The following SYT9 variants were observed in gnomAD, a reference collection of about 807,000 sequenced individuals.
SYT9 encodes synaptotagmin-9.
A neutral mutation model predicts 48.4 loss-of-function variants in SYT9; 22 were observed. The ratio of observed to expected loss-of-function variants is 0.45; its 90% CI spans 0.32 to 0.65. The LOEUF (loss-of-function observed/expected upper bound fraction) is 0.65, where lower values mean the gene tolerates loss of function less well. SYT9 is among the 30% of genes least tolerant of loss of function. The pLI is 0.03. For synonymous variants in SYT9, 265 were observed against 245.0 expected, an observed-to-expected ratio of 1.08 and a Z score of -0.76; for missense variants, 577 against 622.0, an observed-to-expected ratio of 0.93 and a Z score of 0.77.
chr11:7,385,229 TGACAGATTCCCAGAACCCAGAGTACCAG>T (rs1264842135), intron 3 of SYT9, among the ~76,000 whole-genome samples: 2 of 152,156 alleles, frequency 1.3e-5, no homozygotes, highest in Non-Finnish European at 2.9e-5. Context: ...TTTGGTTCAC[TGACAGATTCCCAGAACCCAGAGTACCAG>T]GTACTCTGGT....
In SYT9 at chr11:7,422,073, C is replaced by G. The variant is rs114296124; in HGVS notation, c.1467+1438C>G. ...CTCTGTTCTCCTGGTGCAGGAAGCTCTCTTCCATGCAAAGCCATCTGAGAG... is the reference window on the plus strand; with the variant it reads ...CTCTGTTCTCCTGGTGCAGGAAGCTGTCTTCCATGCAAAGCCATCTGAGAG... On this transcript the variant is annotated intron_variant, in intron 6 of 6. Transcript: ENST00000318881. Among the ~76,000 whole-genome samples the G allele has an allele frequency of 8.3e-3, 1,260 of 152,322 alleles. 16 individuals carry two copies. Among genetic ancestry groups the G allele is most frequent in the Middle Eastern group, 0.034 (10 of 294 alleles).
At chr11:7,328,889 G>A (rs566601260) in intron 3 of SYT9, among the ~76,000 whole-genome samples, 6 of 152,002 alleles carry the variant, frequency 3.9e-5, no homozygotes, top group South Asian at 4.2e-4. Context: ...TTTTTTCTCA[G>A]TATCTATTCT....
chr11:7,289,984 A>G (rs182469430), intron 1 of SYT9, among the ~76,000 whole-genome samples: 6 of 152,358 alleles, frequency 3.9e-5, no homozygotes, highest in Admixed American at 3.9e-4. Flanking sequence ...TTATGCTTTT[A>G]ACCAAATACT....
chr11:7,319,918 G>A (rs904270081), intron 3 of SYT9, among the ~76,000 whole-genome samples: 18 of 152,030 alleles, frequency 1.2e-4, no homozygotes, highest in Admixed American at 5.9e-4. Context: ...TTTCTGGTCC[G>A]TCAGCTCTGC....
chr11:7,397,142 G>C (rs956000257), intron 3 of SYT9, among the ~76,000 whole-genome samples: 14 of 151,972 alleles, frequency 9.2e-5, no homozygotes, highest in Non-Finnish European at 1.6e-4. Context: ...TTTACATTTA[G>C]ATCTATTGTC....
At chr11:7,456,508 T>A (rs1848152470) in intron 6 of SYT9, among the ~76,000 whole-genome samples, 1 of 152,212 alleles carries the variant, frequency 6.6e-6, no homozygotes, top group Admixed American at 6.5e-5. Context: ...GGGATCTTGC[T>A]CTTTAGCCAG....
intron 3 of SYT9, among the ~76,000 whole-genome samples, chr11:7,405,615 C>T (rs1456567765): frequency 6.6e-6 from 1 of 152,060 alleles, no homozygotes; most frequent in Non-Finnish European, 1.5e-5. Context: ...AATACCACAA[C>T]CACAACAAAT....
intron 3 of SYT9, among the ~76,000 whole-genome samples, chr11:7,320,292 C>G (rs7130042): frequency 0.51 from 77,765 of 151,926 alleles, 20,814 homozygotes; most frequent in South Asian, 0.64. Flanking sequence ...ACTTCTCCTT[C>G]CCCTCTTTAC....
At chr11:7,350,033 G>C (rs543776626) in intron 3 of SYT9, among the ~76,000 whole-genome samples, 1 of 152,086 alleles carries the variant, frequency 6.6e-6, no homozygotes, top group South Asian at 2.1e-4. Context: ...CTCATGCCAG[G>C]GGGGGACCCA....
rs564142655 is a variant in SYT9 at position 7,252,705 on chromosome 11, G to A, written c.145+374G>A. Among the ~76,000 whole-genome samples the A allele has an allele frequency of 6.6e-6, 1 of 152,240 alleles. No individual in the cohort carries two copies. Among genetic ancestry groups the A allele is most frequent in the African/African-American group, 2.4e-5 (1 of 41,468 alleles). On this transcript the variant is annotated intron_variant, in intron 1 of 6. Transcript: ENST00000318881. This position sits in a 1 kb window ranked among gnomAD's most constrained non-coding sequence, Gnocchi z 6.3. Reference sequence around the variant, plus strand: ...CGCGGCGGCCTCGGAGCCGTGGGAAGGGGGACGAGGCCGAAGGAAACTCTG... The same window carrying A: ...CGCGGCGGCCTCGGAGCCGTGGGAAAGGGGACGAGGCCGAAGGAAACTCTG...
intron 6 of SYT9, among the ~76,000 whole-genome samples, chr11:7,446,647 C>T (rs771739498): frequency 1.3e-5 from 2 of 152,212 alleles, no homozygotes; most frequent in Non-Finnish European, 2.9e-5. Context: ...AAAGCCCTCC[C>T]TGGCCATCCC....
intron 3 of SYT9, among the ~76,000 whole-genome samples, chr11:7,343,803 TA>T (rs1179128844): frequency 6.6e-6 from 1 of 152,184 alleles, no homozygotes; most frequent in Non-Finnish European, 1.5e-5. Context: ...AAAAGAGGTT[TA>T]ATGGACTCAC....
chr11:7,370,026 T>C (rs1850333562), intron 3 of SYT9, among the ~76,000 whole-genome samples: 1 of 152,062 alleles, frequency 6.6e-6, no homozygotes. Flanking sequence ...GCACCATATT[T>C]TTAGTCTTCT....
At chr11:7,347,233 A>C (rs1849815133) in intron 3 of SYT9, among the ~76,000 whole-genome samples, 1 of 105,726 alleles carries the variant, frequency 9.5e-6, no homozygotes, top group Non-Finnish European at 2.2e-5. Context: ...TTTTCATCAA[A>C]ATATTTTTTT....
intron 6 of SYT9, among the ~76,000 whole-genome samples, chr11:7,431,135 C>T (rs1773226258): frequency 6.6e-6 from 1 of 152,162 alleles, no homozygotes; most frequent in Admixed American, 6.5e-5. Context: ...GTAATATGGA[C>T]AGTGAAGTCC....
At chr11:7,423,886 G>A (rs1275826343) in intron 6 of SYT9, among the ~76,000 whole-genome samples, 2 of 152,170 alleles carry the variant, frequency 1.3e-5, no homozygotes, top group African/African-American at 4.8e-5. Context: ...TGCTCTCTAA[G>A]AACCTTTTAA....
intron 6 of SYT9, among the ~76,000 whole-genome samples, chr11:7,442,975 AG>A (rs1054372465): frequency 6.6e-6 from 1 of 152,134 alleles, no homozygotes; most frequent in Non-Finnish European, 1.5e-5. Flanking sequence ...AATGAGAGAG[AG>A]GGAGAAAAGC....
intron 6 of SYT9, among the ~76,000 whole-genome samples, chr11:7,432,453 AG>A (rs373915702): frequency 1.3e-3 from 197 of 148,572 alleles, no homozygotes; most frequent in African/African-American, 4.5e-3. Flanking sequence ...AGGCTGAGGC[AG>A]GAGAATAGCT....
At chr11:7,458,486 A>T (rs933446437) in intron 6 of SYT9, among the ~76,000 whole-genome samples, 4 of 151,294 alleles carry the variant, frequency 2.6e-5, no homozygotes, top group Admixed American at 2.6e-4. Flanking sequence ...CATCTCAAAA[A>T]AATTAATTAA....
Sources: allele counts gnomAD v4.1 joint callset (sites outside exome capture counted in the v4.1 genomes callset), GRCh38; gene constraint gnomAD v4.1.1; non-coding constraint Gnocchi (gnomAD v3.1); transcripts MANE v1.5; gene names NCBI Gene and HGNC (gene_info 2026-07-23, HGNC 2026-07-21).